Variants in OSBP observed in about 807,000 individuals in gnomAD.
OSBP encodes the protein oxysterol binding protein, also known as oxysterol-binding protein 1.
OSBP carries 32 observed loss-of-function variants against 96.6 expected under a neutral mutation model. The ratio of observed to expected loss-of-function variants is 0.33; its 90% confidence interval spans 0.25 to 0.45. The LOEUF (loss-of-function observed/expected upper bound fraction) is 0.45. Ranked by LOEUF, OSBP falls within the 20% of genes least tolerant of loss-of-function variation. The probability of loss-of-function intolerance (pLI) is 1.00; values close to 1 mark genes in which losing one functional copy is unlikely to be tolerated. For missense variants in OSBP, 653 were observed against 1,029.7 expected (o/e 0.63, Z 5.01); for synonymous variants, 369 against 389.6 (o/e 0.95, Z 0.62).
At chr11:59,600,702 G>C in intron 6 of OSBP, 75 bp from the exon 7 acceptor site, 1 of 1,546,604 alleles carries the variant, frequency 6.5e-7, no homozygotes, top group Non-Finnish European at 8.7e-7. Context: ...CCCTTCCCCC[G>C]TGCTAAAAAA....
intron 10 of OSBP, among the ~76,000 whole-genome samples, chr11:59,580,542 A>C (rs143007466): frequency 6.6e-6 from 1 of 152,206 alleles, no homozygotes; most frequent in Non-Finnish European, 1.5e-5. Context: ...AGTACACATG[A>C]TAATTTACCT....
chr11:59,609,084 C>G (rs778098517), intron 2 of OSBP, among the ~76,000 whole-genome samples: 7 of 152,198 alleles, frequency 4.6e-5, no homozygotes, highest in African/African-American at 1.4e-4. Flanking sequence ...AATGGAAAAG[C>G]TGAAAGGCTC....
intron 7 of OSBP, among the ~76,000 whole-genome samples, chr11:59,595,898 C>A (rs1860644576): frequency 6.6e-6 from 1 of 151,458 alleles, no homozygotes; most frequent in Non-Finnish European, 1.5e-5. Context: ...GAGCCAAGAT[C>A]ATGCCACTGC....
intron 1 of OSBP, among the ~76,000 whole-genome samples, chr11:59,611,135 C>CA (rs35074206): frequency 0.25 from 14,691 of 59,460 alleles, 1,624 homozygotes; most frequent in African/African-American, 0.4. Flanking sequence ...AACTCCGTCT[C>CA]AAAAAAAAAA....
intron 7 of OSBP, among the ~76,000 whole-genome samples, chr11:59,598,111 T>A (rs1485938161): frequency 6.6e-6 from 1 of 152,246 alleles, no homozygotes; most frequent in Non-Finnish European, 1.5e-5. Flanking sequence ...AGTGTTGCGT[T>A]GCACCCAGCC....
intron 9 of OSBP, among the ~76,000 whole-genome samples, chr11:59,583,723 AGCCTCTGCCTCCCGGGTTCAAACAATCCT>A (rs1332158817): frequency 7.5e-6 from 1 of 132,792 alleles, no homozygotes; most frequent in Non-Finnish European, 1.5e-5. Flanking sequence ...GGCTCACTGC[AGCCTCTGCCTCCCGGGTTCAAACAATCCT>A]GCCTCAGCCT....
At position 59,601,344 on chromosome 11, in the gene OSBP, C is replaced by G. The variant is rs1383985326; in HGVS notation, c.1063G>C (p.Asp355His). 1.2e-6 allele frequency: 2 copies of G among 1,613,644 alleles called. No homozygotes were observed. Among genetic ancestry groups the G allele is most frequent in the Non-Finnish European group, 1.7e-6 (2 of 1,179,662 alleles). The change falls in exon 5 of 14, where the codon GAT becomes CAT. Residue 355 changes from aspartate to histidine, a missense_variant. By Grantham distance (81) the Asp-to-His change is moderately conservative. Transcript: ENST00000263847. ...GGTGCATCAAAAAATTCATTCTCATCATCTTCATCGCTCATGTCCCCTTTG... is the reference window on the plus strand; with the variant it reads ...GGTGCATCAAAAAATTCATTCTCATGATCTTCATCGCTCATGTCCCCTTTG... Reference protein sequence around the residue: ...SGKGDMSDEDDENEFFDAPEI... With the variant: ...SGKGDMSDEDHENEFFDAPEI...
Position 59,580,232 on chromosome 11 carries a change from T to C in OSBP, c.1820A>G (p.Asp607Gly). The change falls in exon 11 of 14, where the codon GAC (aspartate) becomes GGC (glycine). Residue 607 changes from aspartate to glycine, a missense_variant. Around this residue, in one of 6 missense-constraint regions of OSBP, gnomAD observed 169 missense variants for 251.5 expected, o/e 0.67. Transcript: ENST00000263847. ...AGGAACAAATTTAAGATTACACTTG[T>C]CTCCTGTCTTGTGATTCACAATATC... is the stretch of plus-strand genomic sequence containing the variant. Reference protein sequence around the residue: ...EIDIVNHKTGDKCNLKFVPYS... With the variant: ...EIDIVNHKTGGKCNLKFVPYS... 6.2e-7 allele frequency: 1 copy of C among 1,613,342 alleles called. No homozygotes were observed. Among genetic ancestry groups the C allele is most frequent in the Non-Finnish European group, 8.5e-7 (1 of 1,179,388 alleles).
rs201124839 is a variant in OSBP, at chr11:59,589,978, G to A, written c.1678+3626C>T. Among the ~76,000 whole-genome samples the A allele has an allele frequency of 2.6e-4, 39 of 150,930 alleles. No homozygotes were observed. In the East Asian group the frequency reaches 6.8e-3, roughly 26 times the overall value. On this transcript the variant is annotated intron_variant, in intron 9 of 13. Coordinates refer to ENST00000263847, the MANE Select transcript of OSBP (RefSeq NM_002556.3). ...AGCCTGGGTGACAGAGCAAGACTCA[G>A]TCTCAAAAAAAAAAAAGAAATTCAT...
rs74344338 is a variant in OSBP, at chr11:59,601,912, A to T, written c.823-74T>A. The T allele has an allele frequency of 8.4e-4, 1,142 of 1,361,236 alleles. 6 individuals carry two copies. The African/African-American group carries it at 0.012, about 15-fold the overall frequency. The allele number at this position is 1,361,236 out of a possible 1,614,324, so 84.3% of individuals were successfully genotyped here. A position where few individuals can be genotyped will look rare whatever the true frequency, so the allele number is the denominator to read the frequency against. Reference sequence around the variant, plus strand: ...CCCTCAGGCTTCTGCAAGCCCATTGAGTAACCTTATTCTGGGAACTTTTAA... The same window carrying T: ...CCCTCAGGCTTCTGCAAGCCCATTGTGTAACCTTATTCTGGGAACTTTTAA... On this transcript the variant is annotated intron_variant, in intron 3 of 13. Coordinates refer to ENST00000263847, the MANE Select transcript of OSBP (RefSeq NM_002556.3).
At chr11:59,615,262 G>C (rs376802022) in intron 1 of OSBP, 41 bp downstream of exon 1, 70 of 1,511,172 alleles carry the variant, frequency 4.6e-5, no homozygotes, top group Non-Finnish European at 5.1e-5. Context: ...TGGCAGATAT[G>C]GGGGAGGCAA....
In OSBP at chr11:59,578,171, G is replaced by A; in HGVS notation, c.2038C>T (p.Leu680=). 1 of 1,614,204 alleles carries A rather than the reference G, an allele frequency of 6.2e-7. No homozygotes were observed. Among genetic ancestry groups the A allele is most frequent in the Non-Finnish European group, 8.5e-7 (1 of 1,180,034 alleles). ...GHEAEESRVM[L]WKRNPLPKNA... ...CACGGTAAAGGATTCCTTTTCCACA[G>A]CATGACCCTGCTTTCCTCTGCTTCA... Residue 680 remains leucine (L), a synonymous_variant, in exon 12 of 14, where the codon CTG becomes TTG. Coordinates refer to ENST00000263847, the MANE Select transcript of OSBP (RefSeq NM_002556.3).
chr11:59,579,319 TTTAC>T (rs1303841623), intron 11 of OSBP, among the ~76,000 whole-genome samples: 1 of 151,876 alleles, frequency 6.6e-6, no homozygotes, highest in East Asian at 1.9e-4. Flanking sequence ...TGTTTTCCCA[TTTAC>T]TTTCTTTCTT....
At position 59,606,346 on chromosome 11, in the gene OSBP, G is replaced by A. The variant is rs534712583; in HGVS notation, c.822+2138C>T. On this transcript the variant is annotated intron_variant, in intron 3 of 13. Transcript: ENST00000263847. Reference sequence around the variant, plus strand: ...CCTAAGCAGTCAAGAAACTGAAACGGCCATAAAAAAAAAACAATATCATGT... The same window carrying A: ...CCTAAGCAGTCAAGAAACTGAAACGACCATAAAAAAAAAACAATATCATGT... 1.5e-4 allele frequency among the ~76,000 whole-genome samples: 22 copies of A among 150,592 alleles called. 1 individual carries two copies. The South Asian group carries it at 4.4e-3, about 30-fold the overall frequency.
intron 11 of OSBP, 142 bp downstream of exon 11, chr11:59,580,032 A>T (rs1426665250): frequency 1.7e-5 from 11 of 659,868 alleles, no homozygotes; most frequent in Non-Finnish European, 2.7e-5. Flanking sequence ...ACTTTTTTTG[A>T]ATCACTATAT....
In OSBP at chr11:59,581,484, G is replaced by A; in HGVS notation, c.1749C>T (p.His583=). 6.2e-7 allele frequency: 1 copy of A among 1,611,784 alleles called. No individual in the cohort carries two copies. Among genetic ancestry groups the A allele is most frequent in the South Asian group, 1.1e-5 (1 of 91,004 alleles). The change falls in exon 10 of 14, where the codon CAC becomes CAT. Residue 583 remains histidine, a synonymous_variant. Transcript: ENST00000263847. ...TCCACAACTTGCCCACAATAATGTT[G>A]TGTACAGTTGTGGTAACTTTCTTCC... The part of the protein sequence containing the change: ...YTWKKVTTTV[H]NIIVGKLWID...
At chr11:59,601,983 AG>A in intron 3 of OSBP, 145 bp from the exon 4 acceptor site, 1 of 671,494 alleles carries the variant, frequency 1.5e-6, no homozygotes, top group South Asian at 2.0e-5. Context: ...CCAAGGTATC[AG>A]GGACAGCTAG....
intron 9 of OSBP, among the ~76,000 whole-genome samples, chr11:59,585,404 C>A (rs1480955080): frequency 1.3e-5 from 2 of 150,294 alleles, no homozygotes; most frequent in South Asian, 2.1e-4. Context: ...CCGGCAACCA[C>A]CCCGTCTGAG....
chr11:59,602,365 A>AG (rs771228642), intron 3 of OSBP, among the ~76,000 whole-genome samples: 1 of 152,238 alleles, frequency 6.6e-6, no homozygotes, highest in Non-Finnish European at 1.5e-5. Context: ...CTTAAAAATT[A>AG]GGAGCCTTCA....
Sources: allele counts gnomAD v4.1 joint callset (sites outside exome capture counted in the v4.1 genomes callset), GRCh38; gene constraint gnomAD v4.1.1; regional missense constraint gnomAD v4.1.1; transcripts MANE v1.5; gene names NCBI Gene and HGNC (gene_info 2026-07-23, HGNC 2026-07-21).